The following LRMDA variants were observed in gnomAD, a reference collection of about 807,000 sequenced individuals.
LRMDA encodes leucine rich melanocyte differentiation associated.
LRMDA carries 18 observed loss-of-function variants against 29.8 expected under a neutral mutation model. The observed-to-expected ratio is 0.60, with a 90% CI of 0.42 to 0.90. LRMDA has a LOEUF of 0.90. LRMDA is among the 40% of genes least tolerant of loss of function. LRMDA has a pLI of 0.00. For synonymous variants in LRMDA, 125 were observed against 109.4 expected, an observed-to-expected ratio of 1.14 and a Z score of -0.89; for missense variants, 273 against 273.9, an observed-to-expected ratio of 1.00 and a Z score of 0.02.
intron 2 of LRMDA, among the ~76,000 whole-genome samples, chr10:75,839,700 C>CTTTTTT (rs1160178913): frequency 2.4e-5 from 2 of 82,782 alleles, no homozygotes; most frequent in African/African-American, 6.5e-5. Flanking sequence ...ATCCGACTTT[C>CTTTTTT]TTTTTTTTTT....
chr10:75,633,982 C>T (rs1841359275), intron 2 of LRMDA, among the ~76,000 whole-genome samples: 1 of 152,192 alleles, frequency 6.6e-6, no homozygotes, highest in Non-Finnish European at 1.5e-5. Flanking sequence ...GCTTCACCCA[C>T]AGTGTGCTGT....
At chr10:76,277,049 T>C (rs937399507) in intron 5 of LRMDA, among the ~76,000 whole-genome samples, 2 of 152,178 alleles carry the variant, frequency 1.3e-5, no homozygotes, top group African/African-American at 2.4e-5. Flanking sequence ...TTGTGTAGTT[T>C]CATATACAGA....
At chr10:76,299,156 C>CGTGTGTGTGT (rs111635114) in intron 5 of LRMDA, among the ~76,000 whole-genome samples, 4,803 of 147,274 alleles carry the variant, frequency 0.033, 106 homozygotes, top group African/African-American at 0.055. Flanking sequence ...AGAGAAGAGC[C>CGTGTGTGTGT]GTGTGTGTGT....
At chr10:75,517,176 A>G (rs1202213984) in intron 2 of LRMDA, among the ~76,000 whole-genome samples, 2 of 152,150 alleles carry the variant, frequency 1.3e-5, no homozygotes, top group Middle Eastern at 3.4e-3. Flanking sequence ...TTGTCTTGGC[A>G]ATGCGGGCTC....
At chr10:75,791,515 A>G (rs1843564647) in intron 2 of LRMDA, among the ~76,000 whole-genome samples, 1 of 152,260 alleles carries the variant, frequency 6.6e-6, no homozygotes, top group South Asian at 2.1e-4. Flanking sequence ...CCTATTAACA[A>G]TTTAAAGCAT....
At chr10:76,090,486 G>A (rs932053396) in intron 5 of LRMDA, among the ~76,000 whole-genome samples, 1 of 152,182 alleles carries the variant, frequency 6.6e-6, no homozygotes, top group Non-Finnish European at 1.5e-5. Context: ...AAAATTAAAA[G>A]TAGAATTACT....
intron 2 of LRMDA, among the ~76,000 whole-genome samples, chr10:75,932,365 C>G (rs1383490605): frequency 2.6e-5 from 4 of 152,144 alleles, no homozygotes; most frequent in Non-Finnish European, 4.4e-5. Context: ...AAGAACTCAA[C>G]TATTTGGGAA....
At chr10:76,194,591 G>A (rs930811215) in intron 5 of LRMDA, among the ~76,000 whole-genome samples, 5 of 152,198 alleles carry the variant, frequency 3.3e-5, no homozygotes, top group Non-Finnish European at 7.3e-5. Flanking sequence ...TCTCATGTTG[G>A]ATCTGTAAGA....
chr10:75,467,171 A>G (rs1049095972), intron 2 of LRMDA, among the ~76,000 whole-genome samples: 2 of 152,176 alleles, frequency 1.3e-5, no homozygotes, highest in Non-Finnish European at 2.9e-5. Context: ...GGGGGTGGAA[A>G]GGGGTCCTGG....
intron 5 of LRMDA, among the ~76,000 whole-genome samples, chr10:76,190,183 A>G (rs780762425): frequency 6.6e-6 from 1 of 152,174 alleles, no homozygotes; most frequent in Non-Finnish European, 1.5e-5. Flanking sequence ...GAGAAATTGA[A>G]CTGGATTAAG....
At chr10:76,068,341 A>G (rs1480910846) in intron 5 of LRMDA, among the ~76,000 whole-genome samples, 2 of 152,214 alleles carry the variant, frequency 1.3e-5, no homozygotes, top group Non-Finnish European at 2.9e-5. Context: ...ATAAAGTAGT[A>G]AGATAATCTT....
At chr10:75,774,540 C>T (rs370153123) in intron 2 of LRMDA, among the ~76,000 whole-genome samples, 53 of 152,046 alleles carry the variant, frequency 3.5e-4, no homozygotes, top group African/African-American at 1.2e-3. Context: ...GTATGCAGGC[C>T]AAGTTGAGAA....
At chr10:76,495,130 T>C (rs73292572) in intron 6 of LRMDA, among the ~76,000 whole-genome samples, 5,270 of 152,020 alleles carry the variant, frequency 0.035, 130 homozygotes, top group Non-Finnish European at 0.044. Context: ...TAGTGTTTTA[T>C]ACTTTACATT....
intron 2 of LRMDA, among the ~76,000 whole-genome samples, chr10:75,941,104 C>T (rs1040459648): frequency 2.6e-5 from 4 of 152,168 alleles, no homozygotes; most frequent in African/African-American, 4.8e-5. Context: ...AAAAACTAAT[C>T]ATTCTGCAAA....
chr10:76,013,445 C>A (rs1036870903), intron 2 of LRMDA, among the ~76,000 whole-genome samples: 4 of 152,034 alleles, frequency 2.6e-5, no homozygotes, highest in Admixed American at 2.0e-4. Flanking sequence ...AGCAAAATGA[C>A]ATTTTAATTT....
chr10:76,009,638 G>T (rs910355531), intron 2 of LRMDA, among the ~76,000 whole-genome samples: 9 of 152,136 alleles, frequency 5.9e-5, no homozygotes, highest in African/African-American at 2.2e-4. Context: ...GAGCCTAGGG[G>T]GAACCTCCCA....
chr10:75,887,045 A>G (rs1845403079), intron 2 of LRMDA, among the ~76,000 whole-genome samples: 2 of 152,112 alleles, frequency 1.3e-5, no homozygotes, highest in Non-Finnish European at 2.9e-5. Context: ...TTTGCTTGCC[A>G]AATAATTATA....
At chr10:76,406,779 G>A (rs1404647537) in intron 6 of LRMDA, among the ~76,000 whole-genome samples, 1 of 152,198 alleles carries the variant, frequency 6.6e-6, no homozygotes, top group African/African-American at 2.4e-5. Flanking sequence ...GAGCAGATTT[G>A]TGAAGCAAAA....
rs146409887 is a variant in LRMDA, at chr10:75,729,968, A to T, written c.131+291474A>T. On this transcript the variant is annotated intron_variant, in intron 2 of 6. Transcript: ENST00000611255. ...CCACACCACCAAGGCTATTTTTTTTAAATTTTTATTTGTAGAGAAGGAGTC... is the reference window on the plus strand; with the variant it reads ...CCACACCACCAAGGCTATTTTTTTTTAATTTTTATTTGTAGAGAAGGAGTC... Among the ~76,000 whole-genome samples the T allele has an allele frequency of 1.7e-3, 255 of 152,044 alleles. 2 individuals are homozygous for T. Among genetic ancestry groups the T allele is most frequent in the African/African-American group, 5.2e-3 (214 of 41,466 alleles).
Sources: gnomAD v4.1 joint callset for allele counts (sites outside exome capture counted in the v4.1 genomes callset) on GRCh38, gnomAD v4.1.1 for gene constraint, MANE v1.5 for transcripts, NCBI Gene and HGNC (gene_info 2026-07-23, HGNC 2026-07-21) for gene names.